Variants in PRICKLE2 observed in about 807,000 individuals in gnomAD.
The protein encoded by PRICKLE2 is prickle-like protein 2.
A neutral mutation model predicts 81.4 loss-of-function variants in PRICKLE2; 21 were observed. The observed-to-expected ratio is 0.26, with a 90% CI of 0.18 to 0.37. The LOEUF is 0.37. Ranked by LOEUF, PRICKLE2 falls within the 10% of genes least tolerant of loss-of-function variation. PRICKLE2 has a pLI of 1.00. For synonymous variants in PRICKLE2, 456 were observed against 421.5 expected, an observed-to-expected ratio of 1.08 and a Z score of -1.00; for missense variants, 940 against 1,109.0, an observed-to-expected ratio of 0.85 and a Z score of 2.16.
intron 1 of PRICKLE2, among the ~76,000 whole-genome samples, chr3:64,222,129 G>A (rs1289182371): frequency 6.6e-6 from 1 of 152,148 alleles, no homozygotes; most frequent in African/African-American, 2.4e-5. Flanking sequence ...CATTATAGCC[G>A]CTATCTTCAC....
intron 4 of PRICKLE2, among the ~76,000 whole-genome samples, chr3:64,158,893 C>G (rs13090987): frequency 0.36 from 54,186 of 152,094 alleles, 9,994 homozygotes; most frequent in Non-Finnish European, 0.41. Flanking sequence ...CCTTGGGCAG[C>G]ATCCCACCTC....
intron 7 of PRICKLE2, among the ~76,000 whole-genome samples, chr3:64,143,118 C>T (rs952221905): frequency 2.6e-4 from 40 of 152,196 alleles, no homozygotes; most frequent in African/African-American, 9.7e-4. Flanking sequence ...CACCTTCTAG[C>T]AGGGTCACCT....
chr3:64,158,307 T>TA (rs1366653156), intron 4 of PRICKLE2, among the ~76,000 whole-genome samples: 1 of 152,148 alleles, frequency 6.6e-6, no homozygotes, highest in Non-Finnish European at 1.5e-5. Context: ...GAAAATGAAG[T>TA]AAAGACCTCA....
intron 7 of PRICKLE2, chr3:64,101,215 C>T (rs1195396542): frequency 6.6e-6 from 1 of 152,130 alleles, no homozygotes; most frequent in Non-Finnish European, 1.5e-5. Context: ...ATATATTCAT[C>T]AGAAGTTAGT....
At chr3:64,150,807 A>G (rs2077532950) in intron 6 of PRICKLE2, among the ~76,000 whole-genome samples, 1 of 152,132 alleles carries the variant, frequency 6.6e-6, no homozygotes, top group African/African-American at 2.4e-5. Flanking sequence ...TCATGGAAGG[A>G]AGGGCTCAGT....
At chr3:64,188,551 G>A (rs114552085) in intron 2 of PRICKLE2, among the ~76,000 whole-genome samples, 4 of 152,258 alleles carry the variant, frequency 2.6e-5, no homozygotes, top group African/African-American at 7.2e-5. Context: ...TGGGAACCTC[G>A]TTTTGAAAAC....
chr3:64,224,806 C>G, intron 1 of PRICKLE2, 104 bp downstream of exon 1: 1 of 640,110 alleles, frequency 1.6e-6, no homozygotes. Context: ...AAACGAAGAC[C>G]CAATATCCTC....
chr3:64,247,642 G>C (rs905692806), intron 2 of PRICKLE2, among the ~76,000 whole-genome samples: 1 of 152,162 alleles, frequency 6.6e-6, no homozygotes, highest in African/African-American at 2.4e-5. Flanking sequence ...AAAAGAAGGA[G>C]TGCAAAGATT....
chr3:64,139,231 G>A (rs566042786), intron 7 of PRICKLE2, among the ~76,000 whole-genome samples: 3 of 152,302 alleles, frequency 2.0e-5, no homozygotes, highest in South Asian at 2.1e-4. Context: ...ATCAAAGAAG[G>A]TAGGAAGCCC....
intron 7 of PRICKLE2, chr3:64,104,525 G>T (rs1404500714): frequency 6.6e-6 from 1 of 152,220 alleles, no homozygotes; most frequent in Non-Finnish European, 1.5e-5. Flanking sequence ...TCCTGCTTGT[G>T]AACAGATTCC....
At chr3:64,139,854 A>G (rs2077333460) in intron 7 of PRICKLE2, among the ~76,000 whole-genome samples, 1 of 152,102 alleles carries the variant, frequency 6.6e-6, no homozygotes, top group Non-Finnish European at 1.5e-5. Context: ...CCCTTCCCCT[A>G]TCCCTGAAGC....
chr3:64,234,847 G>C (rs1367198577), intron 2 of PRICKLE2, among the ~76,000 whole-genome samples: 2 of 152,110 alleles, frequency 1.3e-5, no homozygotes, highest in Non-Finnish European at 2.9e-5. Flanking sequence ...TGAGGTGTTT[G>C]AGTGTGAATC....
At chr3:64,168,818 C>T (rs868000555) in intron 2 of PRICKLE2, among the ~76,000 whole-genome samples, 35 of 152,280 alleles carry the variant, frequency 2.3e-4, no homozygotes, top group African/African-American at 6.5e-4. Context: ...ACCACAGAAA[C>T]GATGAACACA....
intron 2 of PRICKLE2, among the ~76,000 whole-genome samples, chr3:64,196,319 T>C (rs2078452669): frequency 6.6e-6 from 1 of 152,150 alleles, no homozygotes; most frequent in Admixed American, 6.5e-5. Context: ...GCAACATCCT[T>C]CAGGTAAACA....
chr3:64,236,574 T>C (rs2079184347), intron 2 of PRICKLE2, among the ~76,000 whole-genome samples: 1 of 152,248 alleles, frequency 6.6e-6, no homozygotes, highest in Non-Finnish European at 1.5e-5. Context: ...CCTAGCTCTG[T>C]TCCTTCTAAT....
At chr3:64,140,596 C>T (rs892380767) in intron 7 of PRICKLE2, among the ~76,000 whole-genome samples, 1 of 152,190 alleles carries the variant, frequency 6.6e-6, no homozygotes, top group Non-Finnish European at 1.5e-5. Context: ...AGTTCCAATT[C>T]CAGCTCTACT....
In PRICKLE2 at chr3:64,131,900, C is replaced by T. The variant is rs1329276533; in HGVS notation, c.1660+14930G>A. 2.0e-5 allele frequency among the ~76,000 whole-genome samples: 3 copies of T among 152,166 alleles called. No homozygotes were observed. In the East Asian group the frequency reaches 5.8e-4, roughly 29 times the overall value. ...AAAAAGGGGACCAGGGCAGTGTTCT[C>T]AGAGGGATACCAGGAGGTGGAATTT... On this transcript the variant is annotated intron_variant, in intron 7 of 7. Coordinates refer to ENST00000638394, the MANE Select transcript of PRICKLE2 (RefSeq NM_198859.4).
At chr3:64,214,971 T>C (rs2078849781) in intron 1 of PRICKLE2, among the ~76,000 whole-genome samples, 1 of 152,090 alleles carries the variant, frequency 6.6e-6, no homozygotes, top group African/African-American at 2.4e-5. Context: ...CAACTCACCA[T>C]TACCTCCTGC....
intron 7 of PRICKLE2, chr3:64,141,828 A>G (rs2077367055): frequency 1.0e-6 from 1 of 985,122 alleles, no homozygotes; most frequent in Middle Eastern, 5.2e-4. Flanking sequence ...GACTTATTCA[A>G]TAACATAAGT....
Sources: gnomAD v4.1 joint callset for allele counts (sites outside exome capture counted in the v4.1 genomes callset) on GRCh38, gnomAD v4.1.1 for gene constraint, MANE v1.5 for transcripts, NCBI Gene and HGNC (gene_info 2026-07-23, HGNC 2026-07-21) for gene names.